PIAS1: variants seen among roughly 807,000 people sequenced by gnomAD.
The protein encoded by PIAS1 is E3 SUMO-protein ligase PIAS1.
In PIAS1, 6 loss-of-function variants were observed where a neutral mutation model predicts 71.3. That is an observed-to-expected ratio of 0.08 (90% confidence interval 0.05 to 0.17). PIAS1 has a LOEUF of 0.17. Among genes scored for constraint, PIAS1 ranks in the 10% least tolerant of loss-of-function variants. The pLI, the probability that PIAS1 is intolerant of heterozygous loss-of-function variation, is 1.00. For synonymous variants in PIAS1, 303 were observed against 292.9 expected (o/e 1.03, Z -0.35); for missense variants, 555 against 793.6 (o/e 0.70, Z 3.61).
chr15:68,054,376 T>C lies in PIAS1; in HGVS notation c.24+26T>C. 6.4e-7 allele frequency: 1 copy of C among 1,562,696 alleles called. No homozygotes were observed. The highest frequency in any genetic ancestry group is 8.7e-7 in the Non-Finnish European group (1 of 1,153,850). On this transcript the variant is annotated intron_variant, in intron 1 of 13. Coordinates refer to ENST00000249636, the MANE Select transcript of PIAS1 (RefSeq NM_016166.3). This position sits in a 1 kb window ranked among gnomAD's most constrained non-coding sequence, Gnocchi z 4.6. ...GTAAAGCGCAGCTCGAATTCACTTC[T>C]AATATTCGGCCGCGGAGACGGCGCC...
intron 2 of PIAS1, among the ~76,000 whole-genome samples, chr15:68,140,126 T>C (rs750714187): frequency 3.2e-4 from 49 of 152,042 alleles, no homozygotes; most frequent in Non-Finnish European, 5.7e-4. Context: ...GTAGGGGCTA[T>C]TATTAAGTAA....
At chr15:68,155,449 T>TAAAAAAAAAAA (rs71937461) in intron 7 of PIAS1, among the ~76,000 whole-genome samples, 2 of 103,332 alleles carry the variant, frequency 1.9e-5, no homozygotes, top group Non-Finnish European at 1.9e-5. Context: ...ATGCTGCCTG[T>TAAAAAAAAAAA]AAAAAAAAAA....
At position 68,186,166 on chromosome 15, in the gene PIAS1, A is replaced by G. The variant is rs1442030246; in HGVS notation, c.1663-1376A>G. Among the ~76,000 whole-genome samples, 2 of 152,216 alleles carry G rather than the reference A, an allele frequency of 1.3e-5. No homozygotes were observed. Among genetic ancestry groups the G allele is most frequent in the South Asian group, 2.1e-4 (1 of 4,832 alleles). On this transcript the variant is annotated intron_variant, in intron 13 of 13. Coordinates refer to ENST00000249636, the MANE Select transcript of PIAS1 (RefSeq NM_016166.3). The surrounding 1 kb of genome is among the most constrained non-coding windows in gnomAD (Gnocchi z 4.4). Reference sequence around the variant, plus strand: ...AGGCAGGTCCTTCAGTGGGTGTTCCAGAAGATTGTTGTCATAGCAAATGAC... The same window carrying G: ...AGGCAGGTCCTTCAGTGGGTGTTCCGGAAGATTGTTGTCATAGCAAATGAC...
In PIAS1 at chr15:68,102,649, G is replaced by A. The variant is rs145405302; in HGVS notation, c.469+15899G>A. ...AGCATTTTATAGTTTTCAGTATATA[G>A]TTCCCACACTTGTTTTGTTAGACCT... On this transcript the variant is annotated intron_variant, in intron 2 of 13. Coordinates refer to ENST00000249636, the MANE Select transcript of PIAS1 (RefSeq NM_016166.3). Among the ~76,000 whole-genome samples, 1,028 of 152,078 alleles carry A rather than the reference G, an allele frequency of 6.8e-3. 10 individuals are homozygous for A. The highest frequency in any genetic ancestry group is 0.011 in the Non-Finnish European group (740 of 67,968).
chr15:68,100,247 C>T (rs966548539), intron 2 of PIAS1, among the ~76,000 whole-genome samples: 1 of 152,146 alleles, frequency 6.6e-6, no homozygotes, highest in Non-Finnish European at 1.5e-5. Context: ...CAAACTAGGA[C>T]ATAACATTGG....
At chr15:68,111,024 A>T (rs1293263322) in intron 2 of PIAS1, among the ~76,000 whole-genome samples, 1 of 152,126 alleles carries the variant, frequency 6.6e-6, no homozygotes, top group African/African-American at 2.4e-5. Flanking sequence ...TGGCATCCGT[A>T]TATATTTGTA....
chr15:68,126,587 C>T (rs902469136), intron 2 of PIAS1, among the ~76,000 whole-genome samples: 9 of 152,268 alleles, frequency 5.9e-5, no homozygotes, highest in African/African-American at 1.4e-4. Flanking sequence ...GGATTGCAGG[C>T]GTGTCCCACC....
At chr15:68,182,875 T>C (rs1246775358) in intron 12 of PIAS1, among the ~76,000 whole-genome samples, 2 of 152,186 alleles carry the variant, frequency 1.3e-5, no homozygotes, top group African/African-American at 4.8e-5. Context: ...ATGCCCAGAG[T>C]ATCTGTGGTG....
intron 6 of PIAS1, among the ~76,000 whole-genome samples, chr15:68,148,378 T>C (rs1567063956): frequency 6.6e-6 from 1 of 152,100 alleles, no homozygotes; most frequent in South Asian, 2.1e-4. Flanking sequence ...AGGGGTAAGA[T>C]AGGACTAAAC....
intron 1 of PIAS1, chr15:68,057,594 ATTG>A (rs1217853432): frequency 1.1e-5 from 4 of 358,554 alleles, no homozygotes; most frequent in Admixed American, 4.1e-5. Context: ...AGTGAATTCT[ATTG>A]TTATTTTCTG....
intron 1 of PIAS1, among the ~76,000 whole-genome samples, chr15:68,058,453 G>C (rs2091920501): frequency 6.6e-6 from 1 of 152,090 alleles, no homozygotes; most frequent in Non-Finnish European, 1.5e-5. Context: ...CGTGACTATT[G>C]CAAGGTCATA....
chr15:68,170,808 T>C (rs975331399), intron 8 of PIAS1, among the ~76,000 whole-genome samples: 1 of 152,000 alleles, frequency 6.6e-6, no homozygotes, highest in Admixed American at 6.6e-5. Context: ...GCCTGGCTAA[T>C]TTTTGTATTT....
At chr15:68,056,599 G>A (rs1170582008) in intron 1 of PIAS1, among the ~76,000 whole-genome samples, 2 of 151,658 alleles carry the variant, frequency 1.3e-5, no homozygotes, top group Non-Finnish European at 2.9e-5. Context: ...ATGTCATTGT[G>A]TGTGTCTGAG....
rs2141100930 is a variant in PIAS1 at position 68,181,362 on chromosome 15, A to G, written c.1624+8A>G. Reference sequence around the variant, plus strand: ...TGCCTTACGACTTACAAGGTGAGTCACTGGTTCTTCTACATTGTCACATAG... The same window carrying G: ...TGCCTTACGACTTACAAGGTGAGTCGCTGGTTCTTCTACATTGTCACATAG... On this transcript the variant is annotated splice_region_variant and intron_variant, in intron 12 of 13. Transcript: ENST00000249636. The G allele has an allele frequency of 6.2e-7, 1 of 1,612,368 alleles. No individual in the cohort carries two copies. The highest frequency in any genetic ancestry group is 8.5e-7 in the Non-Finnish European group (1 of 1,178,544).
intron 1 of PIAS1, among the ~76,000 whole-genome samples, chr15:68,073,004 T>C (rs2092116645): frequency 6.6e-6 from 1 of 151,748 alleles, no homozygotes; most frequent in Non-Finnish European, 1.5e-5. Flanking sequence ...TGTGAGAGGT[T>C]ATATGTATAA....
intron 13 of PIAS1, chr15:68,183,993 G>T: frequency 1.2e-5 from 2 of 170,818 alleles, no homozygotes; most frequent in South Asian, 1.6e-4. Flanking sequence ...ATTTTAGAGT[G>T]TACCTCTACT....
At chr15:68,089,365 A>G (rs1250643655) in intron 2 of PIAS1, among the ~76,000 whole-genome samples, 2 of 152,162 alleles carry the variant, frequency 1.3e-5, no homozygotes, top group African/African-American at 2.4e-5. Flanking sequence ...GTAAAGTAAG[A>G]TGTTTAATTT....
intron 2 of PIAS1, among the ~76,000 whole-genome samples, chr15:68,096,773 G>A (rs1444140846): frequency 6.6e-6 from 1 of 151,964 alleles, no homozygotes; most frequent in Non-Finnish European, 1.5e-5. Context: ...GTATCCTGCA[G>A]TTTTCCTGTT....
rs1354117040 is a variant in PIAS1, at chr15:68,186,715, A to G, written c.1663-827A>G. The stretch of plus-strand genomic sequence containing the variant: ...GGTGTATCATTTTTTTATCTTTTAT[A>G]CCATATTTTTACTGTACCTTTTCTA... On this transcript the variant is annotated intron_variant, in intron 13 of 13. Transcript: ENST00000249636. This position sits in a 1 kb window ranked among gnomAD's most constrained non-coding sequence, Gnocchi z 4.4. Among the ~76,000 whole-genome samples, 8 of 152,174 alleles carry G rather than the reference A, an allele frequency of 5.3e-5. No individual in the cohort carries two copies. The highest frequency in any genetic ancestry group is 1.2e-4 in the Non-Finnish European group (8 of 68,040).
Sources: allele counts gnomAD v4.1 joint callset (sites outside exome capture counted in the v4.1 genomes callset), GRCh38; gene constraint gnomAD v4.1.1; non-coding constraint Gnocchi (gnomAD v3.1); transcripts MANE v1.5; gene names NCBI Gene and HGNC (gene_info 2026-07-23, HGNC 2026-07-21).